The following HDGF variants were observed in gnomAD, a reference collection of about 807,000 sequenced individuals.
HDGF encodes heparin binding growth factor.
HDGF carries 5 observed loss-of-function variants against 30.0 expected under a neutral mutation model. That is an observed-to-expected ratio of 0.17 (90% CI 0.09 to 0.35). HDGF has a LOEUF of 0.35. Among genes scored for constraint, HDGF ranks in the 10% least tolerant of loss-of-function variants. The pLI, the probability that HDGF is intolerant of heterozygous loss-of-function variation, is 1.00. For synonymous variants in HDGF, 133 were observed against 112.7 expected (o/e 1.18, Z -1.14); for missense variants, 214 against 302.8 (o/e 0.71, Z 2.18).
intron 1 of HDGF, among the ~76,000 whole-genome samples, chr1:156,750,284 A>C (rs921591403): frequency 6.6e-6 from 1 of 152,084 alleles, no homozygotes; most frequent in African/African-American, 2.4e-5. Context: ...CCCTCGCCCA[A>C]AACCAAAGGC....
upstream of HDGF, chr1:156,751,988 G>C (rs1187052699): frequency 2.4e-5 from 37 of 1,520,538 alleles, no homozygotes; most frequent in South Asian, 2.9e-4. This position sits in a 1 kb window ranked among gnomAD's most constrained non-coding sequence, Gnocchi z 4.7. Context: ...GCTGGCGCCC[G>C]GCTGGACGGA....
chr1:156,750,109 GTC>G (rs1251894570), intron 1 of HDGF, among the ~76,000 whole-genome samples: 2 of 152,150 alleles, frequency 1.3e-5, no homozygotes, highest in Non-Finnish European at 2.9e-5. Context: ...GCGAGGAAGG[GTC>G]TCTGAGTTTT....
intron 3 of HDGF, 105 bp from the exon 4 acceptor site, chr1:156,744,453 C>T (rs756460270): frequency 6.3e-7 from 1 of 1,576,896 alleles, no homozygotes; most frequent in Non-Finnish European, 8.6e-7. Flanking sequence ...CCCGCCTCTC[C>T]CCCACCCCCA....
rs2102729244 is a variant in HDGF, at chr1:156,751,403, C to T, written c.27G>A (p.Glu9=). 3 of 1,600,924 alleles carry T rather than the reference C, an allele frequency of 1.9e-6. No homozygotes were observed. The highest frequency in any genetic ancestry group is 1.7e-5 in the Admixed American group (1 of 58,996). MSRSNRQK[E]YKCGDLVFAK... ...CGAACACCAGGTCCCCGCATTTGTA[C>T]TCCTTCTGCCGGTTGGATCGCGACA... Residue 9 remains glutamate, a synonymous_variant, in exon 1 of 6, where the codon GAG becomes GAA. Transcript: ENST00000357325. This position sits in a 1 kb window ranked among gnomAD's most constrained non-coding sequence, Gnocchi z 4.7.
chr1:156,750,017 C>T (rs376311044), intron 1 of HDGF, among the ~76,000 whole-genome samples: 3 of 152,202 alleles, frequency 2.0e-5, no homozygotes, highest in East Asian at 3.8e-4. Flanking sequence ...AGCCGGTCCT[C>T]ATTTGATCCA....
intron 2 of HDGF, 71 bp downstream of exon 2, chr1:156,745,226 C>T: frequency 6.2e-7 from 1 of 1,609,134 alleles, no homozygotes; most frequent in Non-Finnish European, 8.5e-7. Flanking sequence ...GGGGCACCAA[C>T]ACCACCTCAC....
At chr1:156,744,790 C>G (rs932612417) in intron 3 of HDGF, among the ~76,000 whole-genome samples, 1 of 152,108 alleles carries the variant, frequency 6.6e-6, no homozygotes, top group African/African-American at 2.4e-5. Flanking sequence ...TTCTTGCCCC[C>G]CAGACTGCTG....
intron 1 of HDGF, among the ~76,000 whole-genome samples, chr1:156,761,587 C>A (rs867591902): frequency 7.1e-6 from 1 of 141,040 alleles, no homozygotes; most frequent in Non-Finnish European, 1.5e-5. Context: ...CCAGCCTTGG[C>A]GACAGAGTGA....
chr1:156,762,929 A>AG (rs1202372760), intron 1 of HDGF, among the ~76,000 whole-genome samples: 4 of 151,772 alleles, frequency 2.6e-5, no homozygotes, highest in Admixed American at 2.6e-4. Flanking sequence ...GGGAGTTTGT[A>AG]GGGGGAATCC....
At chr1:156,756,061 G>C (rs1651150284), upstream of HDGF, among the ~76,000 whole-genome samples, 1 of 152,194 alleles carries the variant, frequency 6.6e-6, no homozygotes, top group South Asian at 2.1e-4. Context: ...GACCAGCCTA[G>C]CCAACATGGG....
intron 1 of HDGF, among the ~76,000 whole-genome samples, chr1:156,760,186 TTAAAG>T (rs964140705): frequency 6.6e-6 from 1 of 152,152 alleles, no homozygotes; most frequent in African/African-American, 2.4e-5. Flanking sequence ...TCCCTGGAGA[TTAAAG>T]TAATGTAATG....
intron 2 of HDGF, among the ~76,000 whole-genome samples, chr1:156,757,728 G>A (rs1193936231): frequency 4.6e-5 from 7 of 151,270 alleles, no homozygotes; most frequent in Non-Finnish European, 8.8e-5. Flanking sequence ...GGGAGGCAGA[G>A]GTTGCAACGA....
At chr1:156,758,600 A>AAAT (rs1553251112) in intron 2 of HDGF, among the ~76,000 whole-genome samples, 5,858 of 105,198 alleles carry the variant, frequency 0.056, 787 homozygotes, top group African/African-American at 0.089. Flanking sequence ...CTCAAAAAAA[A>AAAT]AAATAAATAA....
intron 1 of HDGF, among the ~76,000 whole-genome samples, chr1:156,750,287 C>G (rs1430464437): frequency 6.6e-6 from 1 of 152,146 alleles, no homozygotes; most frequent in East Asian, 1.9e-4. Context: ...TCGCCCAAAA[C>G]CAAAGGCCCC....
At chr1:156,750,412 C>T (rs1001253444) in intron 1 of HDGF, among the ~76,000 whole-genome samples, 12 of 152,180 alleles carry the variant, frequency 7.9e-5, no homozygotes, top group African/African-American at 2.9e-4. Context: ...TTAGGGGAAA[C>T]ATGATGAGCA....
chr1:156,751,126 G>A lies in HDGF; in HGVS notation c.87+217C>T, dbSNP rs1165503885. 1.3e-5 allele frequency among the ~76,000 whole-genome samples: 2 copies of A among 152,090 alleles called. No individual in the cohort carries two copies. Among genetic ancestry groups the A allele is most frequent in the African/African-American group, 4.8e-5 (2 of 41,410 alleles). On this transcript the variant is annotated intron_variant, in intron 1 of 5. Coordinates refer to ENST00000357325, the MANE Select transcript of HDGF (RefSeq NM_004494.3). The surrounding 1 kb of genome is among the most constrained non-coding windows in gnomAD (Gnocchi z 4.7). Reference sequence around the variant, plus strand: ...CCACGCCGTGAACACGCCACTACGCGCGGACGCCGTGCCCGCCAGGTGTCT... The same window carrying A: ...CCACGCCGTGAACACGCCACTACGCACGGACGCCGTGCCCGCCAGGTGTCT...
At chr1:156,764,281 T>G (rs1332311681) in intron 1 of HDGF, among the ~76,000 whole-genome samples, 1 of 151,838 alleles carries the variant, frequency 6.6e-6, no homozygotes, top group Non-Finnish European at 1.5e-5. Context: ...CAGGCTGGAG[T>G]GCAGTGGCAT....
At chr1:156,744,705 GA>G in intron 3 of HDGF, 1 of 615,606 alleles carries the variant, frequency 1.6e-6, no homozygotes, top group East Asian at 3.4e-5. Flanking sequence ...AGCCTTTGTG[GA>G]AAGAGTTAAG....
chr1:156,763,753 C>A (rs1459210594), intron 1 of HDGF, among the ~76,000 whole-genome samples: 3 of 151,246 alleles, frequency 2.0e-5, no homozygotes, highest in Non-Finnish European at 4.4e-5. Context: ...GCCCAGCTAA[C>A]TTTTTTGTAT....
Sources: gnomAD v4.1 joint callset for allele counts (sites outside exome capture counted in the v4.1 genomes callset) on GRCh38, gnomAD v4.1.1 for gene constraint, Gnocchi (gnomAD v3.1) non-coding constraint, MANE v1.5 for transcripts, NCBI Gene and HGNC (gene_info 2026-07-23, HGNC 2026-07-21) for gene names.